Variants in FAT3 observed in about 807,000 individuals in gnomAD.
FAT3 encodes the protein FAT atypical cadherin 3, also known as protocadherin Fat 3.
In FAT3, 95 loss-of-function variants were observed where a neutral mutation model predicts 310.2. The ratio of observed to expected loss-of-function variants is 0.31; its 90% CI spans 0.26 to 0.36. The LOEUF (loss-of-function observed/expected upper bound fraction) is 0.36, where lower values mean the gene tolerates loss of function less well. FAT3 is among the 10% of genes least tolerant of loss of function. The probability of loss-of-function intolerance (pLI) is 1.00; values close to 1 mark genes in which losing one functional copy is unlikely to be tolerated. For missense variants in FAT3, 5,408 were observed against 5,715.6 expected (o/e 0.95, Z 1.74); for synonymous variants, 2,314 against 2,192.9 (o/e 1.06, Z -1.54).
chr11:92,515,940 A>G (rs963867884), intron 2 of FAT3, among the ~76,000 whole-genome samples: 1 of 152,294 alleles, frequency 6.6e-6, no homozygotes, highest in East Asian at 1.9e-4. Flanking sequence ...TAAACCAGGA[A>G]GAAGTTGAAT....
intron 3 of FAT3, among the ~76,000 whole-genome samples, chr11:92,663,198 G>A (rs1591580070): frequency 6.6e-6 from 1 of 152,166 alleles, no homozygotes. Context: ...TGGGTAGAAA[G>A]GGAATTCCAA....
intron 2 of FAT3, among the ~76,000 whole-genome samples, chr11:92,452,450 G>T (rs1442542675): frequency 1.3e-5 from 2 of 152,112 alleles, no homozygotes; most frequent in African/African-American, 4.8e-5. Context: ...GAGGTCCTTC[G>T]AAATTATGAA....
In FAT3 at chr11:92,567,430, T is replaced by A. The variant is rs566327100; in HGVS notation, c.3607+42482T>A. 2.2e-5 allele frequency among the ~76,000 whole-genome samples: 3 copies of A among 137,548 alleles called. No homozygotes were observed. In the East Asian group the frequency reaches 6.4e-4, roughly 29 times the overall value. 90.2% of individuals were successfully genotyped at this position (137,548 alleles called of 152,430 possible). ...TGGAGAAATAGGAACACTTTTACAC[T>A]GTTGGTGGGACTGTAAACTAGTTCA... On this transcript the variant is annotated intron_variant, in intron 3 of 27. Coordinates refer to ENST00000525166, the MANE Select transcript of FAT3 (RefSeq NM_001367949.2).
At chr11:92,653,347 T>C (rs377493360) in intron 3 of FAT3, among the ~76,000 whole-genome samples, 34 of 152,246 alleles carry the variant, frequency 2.2e-4, no homozygotes, top group African/African-American at 7.7e-4. Flanking sequence ...TGGCACTTTC[T>C]GTCATGCCAG....
chr11:92,780,267 T>G (rs1591721931), intron 7 of FAT3, among the ~76,000 whole-genome samples: 1 of 149,256 alleles, frequency 6.7e-6, no homozygotes, highest in African/African-American at 2.5e-5. Flanking sequence ...GCTCAAACAA[T>G]CCTCCCACCT....
chr11:92,265,941 G>A lies in FAT3; in HGVS notation c.-18+40767G>A, dbSNP rs183623717. Reference sequence around the variant, plus strand: ...CATAGCATTGGGGAAAGGGCAGGACGCTCCAGACCTCTTTTTCCCTTCCTT... The same window carrying A: ...CATAGCATTGGGGAAAGGGCAGGACACTCCAGACCTCTTTTTCCCTTCCTT... On this transcript the variant is annotated intron_variant, in intron 1 of 27. Coordinates refer to ENST00000525166, the MANE Select transcript of FAT3 (RefSeq NM_001367949.2). 6.6e-5 allele frequency among the ~76,000 whole-genome samples: 10 copies of A among 152,148 alleles called. 1 individual carries two copies. The highest frequency in any genetic ancestry group is 3.9e-4 in the Admixed American group (6 of 15,266).
Position 92,697,393 on chromosome 11 carries a change from C to T in FAT3, c.3617C>T (p.Thr1206Ile), listed in dbSNP as rs1340836962. The change falls in exon 4 of 28, where the codon ACA becomes ATA. Residue 1206 changes from threonine to isoleucine, a missense_variant. Around this residue, in one of 5 missense-constraint regions of FAT3, gnomAD observed 4,588 missense variants for 4,809.8 expected, o/e 0.95. Coordinates refer to ENST00000525166, the MANE Select transcript of FAT3 (RefSeq NM_001367949.2). ...TCTCATTTCTACACAGGTCTGATTA[C>T]AACAACTTCAAGGAAATTGGATCGA... Reference protein sequence around the residue: ...FAINIKTGLITTTSRKLDREQ... With the variant: ...FAINIKTGLIITTSRKLDREQ... 1.9e-6 allele frequency: 3 copies of T among 1,613,796 alleles called. No individual in the cohort carries two copies. The highest frequency in any genetic ancestry group is 2.5e-6 in the Non-Finnish European group (3 of 1,179,782).
intron 1 of FAT3, among the ~76,000 whole-genome samples, chr11:92,262,297 T>C (rs1865590794): frequency 1.3e-5 from 2 of 152,278 alleles, no homozygotes; most frequent in East Asian, 3.9e-4. Context: ...CCTTCTCATA[T>C]GTTTTCCTGT....
chr11:92,315,500 T>TAG (rs1211364943), intron 1 of FAT3, among the ~76,000 whole-genome samples: 29 of 92,250 alleles, frequency 3.1e-4, no homozygotes, highest in African/African-American at 1.0e-3. Flanking sequence ...TATATATATA[T>TAG]ATATATATAT....
intron 2 of FAT3, among the ~76,000 whole-genome samples, chr11:92,501,816 T>G (rs918060426): frequency 3.3e-5 from 5 of 152,144 alleles, no homozygotes; most frequent in African/African-American, 9.6e-5. Flanking sequence ...TTATCATCAA[T>G]TCTAGCAGTG....
intron 3 of FAT3, among the ~76,000 whole-genome samples, chr11:92,668,164 GTTC>G (rs1943017097): frequency 6.6e-6 from 1 of 152,240 alleles, no homozygotes; most frequent in Non-Finnish European, 1.5e-5. Flanking sequence ...CTTATCCAGA[GTTC>G]TTATCAGAAG....
intron 2 of FAT3, among the ~76,000 whole-genome samples, chr11:92,469,507 G>A (rs2135143772): frequency 6.6e-6 from 1 of 151,866 alleles, no homozygotes; most frequent in African/African-American, 2.4e-5. Context: ...ATTTTAAAAT[G>A]TTCTAATTTG....
intron 3 of FAT3, among the ~76,000 whole-genome samples, chr11:92,597,327 G>A (rs1341701428): frequency 6.6e-6 from 1 of 152,120 alleles, no homozygotes; most frequent in Non-Finnish European, 1.5e-5. Context: ...CAACCCATAG[G>A]ACATCATTAT....
At chr11:92,513,745 C>T (rs1953385090) in intron 2 of FAT3, among the ~76,000 whole-genome samples, 1 of 152,096 alleles carries the variant, frequency 6.6e-6, no homozygotes, top group Admixed American at 6.6e-5. Flanking sequence ...CTGTTAGAAG[C>T]ATATACAACA....
rs2136450720 is a variant in FAT3 at position 92,891,086 on chromosome 11, G to A, written c.13743G>A (p.Val4581=). The change falls in exon 28 of 28, where the codon GTG becomes GTA. Residue 4581 remains valine, a synonymous_variant. Transcript: ENST00000525166. ...LSLASLHIPF[V]ETQHQTQV is the part of the protein sequence containing the mutation. ...TCGCCAGCCTTCACATTCCCTTTGTGGAGACTCAGCATCAGACTCAAGTGT... is the reference window on the plus strand; with the variant it reads ...TCGCCAGCCTTCACATTCCCTTTGTAGAGACTCAGCATCAGACTCAAGTGT... The A allele has an allele frequency of 6.2e-7, 1 of 1,613,680 alleles. No homozygotes were observed. Among genetic ancestry groups the A allele is most frequent in the Non-Finnish European group, 8.5e-7 (1 of 1,179,814 alleles).
chr11:92,765,679 A>G (rs1946287739), intron 6 of FAT3, among the ~76,000 whole-genome samples: 1 of 152,070 alleles, frequency 6.6e-6, no homozygotes, highest in African/African-American at 2.4e-5. Flanking sequence ...ACTGCCTGTG[A>G]CAGGCTGAAG....
chr11:92,759,498 G>A (rs990728031), intron 4 of FAT3, among the ~76,000 whole-genome samples: 1 of 152,160 alleles, frequency 6.6e-6, no homozygotes, highest in African/African-American at 2.4e-5. Context: ...TAGCCTTAAG[G>A]AAGTGACATT....
chr11:92,332,783 C>T (rs560806024), intron 1 of FAT3, among the ~76,000 whole-genome samples: 10 of 152,128 alleles, frequency 6.6e-5, no homozygotes, highest in South Asian at 2.1e-4. Flanking sequence ...TAGTAAGATA[C>T]TATTTATTGC....
intron 1 of FAT3, among the ~76,000 whole-genome samples, chr11:92,250,754 G>C (rs1227247943): frequency 6.6e-6 from 1 of 152,070 alleles, no homozygotes; most frequent in African/African-American, 2.4e-5. Context: ...TTGAGGCTTG[G>C]GAAGGAGGTC....
Sources: allele counts gnomAD v4.1 joint callset (sites outside exome capture counted in the v4.1 genomes callset), GRCh38; gene constraint gnomAD v4.1.1; regional missense constraint gnomAD v4.1.1; transcripts MANE v1.5; gene names NCBI Gene and HGNC (gene_info 2026-07-23, HGNC 2026-07-21).